Variants in KDM5A observed in about 807,000 individuals in gnomAD.
KDM5A encodes the protein lysine-specific demethylase 5A.
In KDM5A, 42 loss-of-function variants were observed where a neutral mutation model predicts 193.5. The observed-to-expected ratio is 0.22, with a 90% CI of 0.17 to 0.28. KDM5A has a LOEUF of 0.28. Ranked by LOEUF, KDM5A falls within the 10% of genes least tolerant of loss-of-function variation. The pLI is 1.00. For missense variants in KDM5A, 1,692 were observed against 2,055.1 expected, an observed-to-expected ratio of 0.82 and a Z score of 3.42; for synonymous variants, 796 against 718.1, an observed-to-expected ratio of 1.11 and a Z score of -1.73.
chr12:355,327 A>AAT, intron 6 of KDM5A, 78 bp from the exon 7 acceptor site: 2 of 817,714 alleles, frequency 2.4e-6, no homozygotes, highest in Non-Finnish European at 4.3e-6. Flanking sequence ...ATTTAAAATT[A>AAT]TTTAAATTAG....
chr12:295,258 G>A (rs1049543658), intron 26 of KDM5A, among the ~76,000 whole-genome samples: 3 of 108,738 alleles, frequency 2.8e-5, no homozygotes, highest in East Asian at 7.8e-4. Context: ...GGGGAAAGGA[G>A]AAAGGGGAAG....
intron 5 of KDM5A, among the ~76,000 whole-genome samples, chr12:359,499 C>T (rs532332726): frequency 2.0e-5 from 3 of 152,206 alleles, no homozygotes; most frequent in South Asian, 2.1e-4. Flanking sequence ...TGCCTGTAAT[C>T]GCAGCACTTT....
chr12:355,888 A>T (rs1944224690), intron 6 of KDM5A, among the ~76,000 whole-genome samples: 1 of 152,230 alleles, frequency 6.6e-6, no homozygotes, highest in African/African-American at 2.4e-5. Flanking sequence ...TTGACATGTT[A>T]CATAGAGAGA....
chr12:312,632 GCTC>G (rs1943602516), intron 20 of KDM5A, among the ~76,000 whole-genome samples: 1 of 152,132 alleles, frequency 6.6e-6, no homozygotes, highest in Admixed American at 6.5e-5. Flanking sequence ...TTTTATAGAT[GCTC>G]CTCAACTTAC....
At chr12:382,738 CCTGA>C (rs1273767160) in intron 3 of KDM5A, among the ~76,000 whole-genome samples, 6 of 152,020 alleles carry the variant, frequency 3.9e-5, no homozygotes, top group African/African-American at 1.4e-4. Flanking sequence ...TCGAGACCAG[CCTGA>C]CTAAGATAGT....
At chr12:338,119 G>T (rs995086113) in intron 10 of KDM5A, among the ~76,000 whole-genome samples, 3 of 152,150 alleles carry the variant, frequency 2.0e-5, no homozygotes, top group Non-Finnish European at 4.4e-5. Context: ...CCTGAGACTG[G>T]TGTCCTTTGA....
At chr12:361,716 G>A (rs1305400360) in intron 5 of KDM5A, among the ~76,000 whole-genome samples, 1 of 152,102 alleles carries the variant, frequency 6.6e-6, no homozygotes, top group Non-Finnish European at 1.5e-5. Context: ...GAACTTCTGA[G>A]ACCAATCACA....
intron 4 of KDM5A, 23 bp from the exon 5 acceptor site, chr12:363,120 G>A: frequency 6.2e-7 from 1 of 1,613,732 alleles, no homozygotes; most frequent in Non-Finnish European, 8.5e-7. Flanking sequence ...AGCACAGAAA[G>A]AGAGCAGGTT....
At chr12:308,535 A>T (rs187701959) in intron 22 of KDM5A, among the ~76,000 whole-genome samples, 176 of 152,350 alleles carry the variant, frequency 1.2e-3, no homozygotes, top group Non-Finnish European at 2.0e-3. Context: ...AAGCCTCTTC[A>T]TGTATAAGTA....
At chr12:387,242 T>G (rs1404004059) in intron 1 of KDM5A, 1 of 362,260 alleles carries the variant, frequency 2.8e-6, no homozygotes, top group Non-Finnish European at 5.2e-6. Flanking sequence ...AAAAAAAAAG[T>G]CTTACCTTGG....
chr12:315,978 AAATTTCC>A (rs1229842224), intron 19 of KDM5A, among the ~76,000 whole-genome samples: 2 of 152,226 alleles, frequency 1.3e-5, no homozygotes, highest in Non-Finnish European at 2.9e-5. Flanking sequence ...AAATTAAATG[AAATTTCC>A]AGAGAGACTG....
rs1361543585 is a variant in KDM5A at position 285,082 on chromosome 12, G to C, written c.*374C>G. 1 of 323,334 alleles carries C rather than the reference G, an allele frequency of 3.1e-6. No homozygotes were observed. Among genetic ancestry groups the C allele is most frequent in the African/African-American group, 2.0e-5 (1 of 48,930 alleles). 20.0% of individuals were successfully genotyped at this position (323,334 alleles called of 1,614,324 possible). A position where few individuals can be genotyped will look rare whatever the true frequency, so the allele number is the denominator to read the frequency against. On this transcript the variant is annotated 3_prime_UTR_variant, in exon 28 of 28. Transcript: ENST00000399788. The stretch of plus-strand genomic sequence containing the variant: ...CACCTTCAGTTGGTGCTGCTCCTAA[G>C]TTGTAAGCCTCTAACTACTATCAGC...
chr12:295,570 C>A lies in KDM5A; in HGVS notation c.4455+3G>T, dbSNP rs778487465. 5 of 1,613,192 alleles carry A rather than the reference C, an allele frequency of 3.1e-6. No homozygotes were observed. In the South Asian group the frequency reaches 3.3e-5, roughly 11 times the overall value. On this transcript the variant is annotated splice_donor_region_variant and intron_variant, in intron 26 of 27. Coordinates refer to ENST00000399788, the MANE Select transcript of KDM5A (RefSeq NM_001042603.3). ...ACTGTTTAAATAAGTATTAAATCCA[C>A]ACCTCCATGATATGCAAGAATCTGT...
chr12:380,800 A>G (rs923918232), intron 3 of KDM5A, among the ~76,000 whole-genome samples: 2 of 152,028 alleles, frequency 1.3e-5, no homozygotes, highest in African/African-American at 4.8e-5. Context: ...TTTTGAAAAA[A>G]AAATTTTTTT....
chr12:354,764 C>CAA (rs55840057), intron 7 of KDM5A, among the ~76,000 whole-genome samples: 2,757 of 148,924 alleles, frequency 0.019, 86 homozygotes, highest in African/African-American at 0.062. Flanking sequence ...GACTCCGTCT[C>CAA]AAAAAAAAAA....
intron 24 of KDM5A, among the ~76,000 whole-genome samples, chr12:301,843 T>C (rs1332358849): frequency 6.6e-6 from 1 of 151,856 alleles, no homozygotes; most frequent in African/African-American, 2.4e-5. Flanking sequence ...ATAAAATCAA[T>C]GTGCAAAAAT....
Position 323,524 on chromosome 12 carries a change from G to C in KDM5A, c.2150+76C>G, listed in dbSNP as rs577036290. 1.0e-5 allele frequency: 14 copies of C among 1,372,022 alleles called. No individual in the cohort carries two copies. In the African/African-American group the frequency reaches 1.7e-4, roughly 17 times the overall value. 85.0% of individuals were successfully genotyped at this position (1,372,022 alleles called of 1,614,324 possible). A position where few individuals can be genotyped will look rare whatever the true frequency, so the allele number is the denominator to read the frequency against. On this transcript the variant is annotated intron_variant, in intron 15 of 27. Coordinates refer to ENST00000399788, the MANE Select transcript of KDM5A (RefSeq NM_001042603.3). Reference sequence around the variant, plus strand: ...AGTCCAGAGTAAAGGAGTAAAGTAAGGGAATAAGTAAAAATAACATTAAAA... The same window carrying C: ...AGTCCAGAGTAAAGGAGTAAAGTAACGGAATAAGTAAAAATAACATTAAAA...
chr12:295,151 A>T (rs1397119342), intron 26 of KDM5A, among the ~76,000 whole-genome samples: 1 of 151,580 alleles, frequency 6.6e-6, no homozygotes, highest in Non-Finnish European at 1.5e-5. Flanking sequence ...TTTTTAGCAG[A>T]AATGGCCTTT....
At chr12:319,352 T>A (rs1368391415) in intron 18 of KDM5A, among the ~76,000 whole-genome samples, 1 of 152,068 alleles carries the variant, frequency 6.6e-6, no homozygotes, top group South Asian at 2.1e-4. Flanking sequence ...GAGAGGACAA[T>A]AAACGGTTTG....
Sources: allele counts gnomAD v4.1 joint callset (sites outside exome capture counted in the v4.1 genomes callset), GRCh38; gene constraint gnomAD v4.1.1; transcripts MANE v1.5; gene names NCBI Gene and HGNC (gene_info 2026-07-23, HGNC 2026-07-21).